The following DOP1A variants were observed in gnomAD, a reference collection of about 807,000 sequenced individuals.
DOP1A encodes protein DOP1A.
DOP1A carries 90 observed loss-of-function variants against 267.6 expected under a neutral mutation model. The ratio of observed to expected loss-of-function variants is 0.34; its 90% confidence interval spans 0.28 to 0.40. DOP1A has a LOEUF of 0.40. Among genes scored for constraint, DOP1A ranks in the 10% least tolerant of loss-of-function variants. DOP1A has a pLI of 1.00. For missense variants in DOP1A, 2,437 were observed against 2,900.4 expected, an observed-to-expected ratio of 0.84 and a Z score of 3.67; for synonymous variants, 932 against 999.1, an observed-to-expected ratio of 0.93 and a Z score of 1.27.
At chr6:83,141,088 CAATT>C (rs987164600) in intron 23 of DOP1A, among the ~76,000 whole-genome samples, 16 of 152,134 alleles carry the variant, frequency 1.1e-4, no homozygotes, top group East Asian at 5.8e-4. Flanking sequence ...AGATCCTAAA[CAATT>C]AATTAGGGAA....
chr6:83,158,124 G>A (rs577384051), intron 35 of DOP1A, among the ~76,000 whole-genome samples: 4 of 151,776 alleles, frequency 2.6e-5, no homozygotes, highest in South Asian at 2.1e-4. Context: ...TCAGCCTCCC[G>A]AGTAGCTGGG....
chr6:83,162,697 T>A, intron 37 of DOP1A, 93 bp from the exon 38 acceptor site: 1 of 1,368,388 alleles, frequency 7.3e-7, no homozygotes. Flanking sequence ...TTATAAGCAG[T>A]GGGGTCATGA....
chr6:83,159,615 A>C, intron 36 of DOP1A, 181 bp from the exon 37 acceptor site: 1 of 707,252 alleles, frequency 1.4e-6, no homozygotes, highest in Admixed American at 2.9e-5. Context: ...GCATTCTCAA[A>C]GAAGAAAAGT....
intron 1 of DOP1A, among the ~76,000 whole-genome samples, chr6:83,096,478 C>G (rs1188341935): frequency 6.7e-6 from 1 of 149,780 alleles, no homozygotes; most frequent in Non-Finnish European, 1.5e-5. Context: ...TAGATGCCCA[C>G]TTATTACTTA....
intron 34 of DOP1A, among the ~76,000 whole-genome samples, chr6:83,156,499 A>C (rs1782824834): frequency 6.6e-6 from 1 of 152,188 alleles, no homozygotes; most frequent in African/African-American, 2.4e-5. Flanking sequence ...GAGATCTGTA[A>C]TTTGGGGACT....
chr6:83,170,222 T>G (rs1044984954), downstream of DOP1A: 1 of 1,269,376 alleles, frequency 7.9e-7, no homozygotes, highest in Non-Finnish European at 1.1e-6. Flanking sequence ...ATCATCATAG[T>G]GAGATTCTAA....
intron 2 of DOP1A, 49 bp from the exon 3 acceptor site, chr6:83,096,876 C>G (rs981475585): frequency 7.4e-7 from 1 of 1,350,586 alleles, no homozygotes; most frequent in Non-Finnish European, 1.0e-6. Context: ...TCATATGAAC[C>G]CGTTTTAATA....
downstream of DOP1A, chr6:83,169,735 G>C (rs888323149): frequency 2.2e-6 from 1 of 458,496 alleles, no homozygotes; most frequent in African/African-American, 2.0e-5. Context: ...GTCTCCTCCT[G>C]ATTCCCTATT....
At chr6:83,108,780 C>T in intron 4 of DOP1A, 130 bp from the exon 5 acceptor site, 1 of 820,754 alleles carries the variant, frequency 1.2e-6, no homozygotes, top group Admixed American at 2.9e-5. Flanking sequence ...CATTCATATA[C>T]AGGTATCATT....
At chr6:83,077,036 A>G (rs1291185130) in intron 1 of DOP1A, among the ~76,000 whole-genome samples, 6 of 152,244 alleles carry the variant, frequency 3.9e-5, no homozygotes, top group Admixed American at 3.9e-4. Flanking sequence ...CCCATACAAT[A>G]TGGTTCCCCT....
rs1362321886 is a variant in DOP1A, at chr6:83,124,777, T to TTTC, written c.1415_1417dup (p.Phe472dup). Reference sequence around the variant, plus strand: ...ACTCATCTGAATTACAGCTGACCAATTTCTGCTTACTGGTGGATTTTTTGT... The same window carrying TTTC: ...ACTCATCTGAATTACAGCTGACCAATTTCTTCTGCTTACTGGTGGATTTTTTGT... On this transcript the variant is annotated inframe_insertion, in exon 13 of 39. Transcript: ENST00000349129. 4 of 1,613,178 alleles carry TTTC rather than the reference T, an allele frequency of 2.5e-6. No individual in the cohort carries two copies. The highest frequency in any genetic ancestry group is 3.4e-6 in the Non-Finnish European group (4 of 1,179,572).
intron 9 of DOP1A, 141 bp downstream of exon 9, chr6:83,119,998 A>G (rs1776105797): frequency 1.7e-6 from 1 of 587,316 alleles, no homozygotes; most frequent in Non-Finnish European, 2.9e-6. Flanking sequence ...GAATTTTTAT[A>G]ACAAGAAAAT....
At chr6:83,093,996 T>C (rs549530083) in intron 1 of DOP1A, among the ~76,000 whole-genome samples, 1 of 152,270 alleles carries the variant, frequency 6.6e-6, no homozygotes, top group African/African-American at 2.4e-5. Context: ...ACAATCAATT[T>C]TAAAACATTT....
chr6:83,168,606 C>T (rs951679439), downstream of DOP1A: 4 of 997,430 alleles, frequency 4.0e-6, no homozygotes, highest in South Asian at 1.3e-4. Flanking sequence ...GTTTTTCTCC[C>T]ACATACCTTC....
At chr6:83,134,519 A>C (rs781432565) in intron 19 of DOP1A, 1 of 409,246 alleles carries the variant, frequency 2.4e-6, no homozygotes, top group Non-Finnish European at 4.3e-6. Context: ...CCTTCCTTGG[A>C]CAACTATTCA....
At chr6:83,159,261 A>G (rs1783617663) in intron 36 of DOP1A, among the ~76,000 whole-genome samples, 1 of 152,102 alleles carries the variant, frequency 6.6e-6, no homozygotes, top group South Asian at 2.1e-4. Context: ...ATATTTCTTG[A>G]ACATAATATA....
chr6:83,144,071 C>T (rs1780080149), intron 24 of DOP1A, among the ~76,000 whole-genome samples: 1 of 152,192 alleles, frequency 6.6e-6, no homozygotes, highest in African/African-American at 2.4e-5. Flanking sequence ...GCCAAACTGT[C>T]ACTCAAACAT....
chr6:83,129,967 ACTTTATTAAAGCT>A (rs1489692763), intron 16 of DOP1A, among the ~76,000 whole-genome samples, 143 bp from the exon 17 acceptor site: 3 of 152,220 alleles, frequency 2.0e-5, no homozygotes, highest in Admixed American at 2.0e-4. Context: ...TCTTGTTGCT[ACTTTATTAAAGCT>A]CTAGACTAGG....
At chr6:83,144,100 TCAACAA>T (rs766856846) in intron 24 of DOP1A, among the ~76,000 whole-genome samples, 2 of 152,098 alleles carry the variant, frequency 1.3e-5, no homozygotes, top group African/African-American at 2.4e-5. Context: ...ATGCAATGTC[TCAACAA>T]CAACAACAAC....
Sources: gnomAD v4.1 joint callset for allele counts (sites outside exome capture counted in the v4.1 genomes callset) on GRCh38, gnomAD v4.1.1 for gene constraint, MANE v1.5 for transcripts, NCBI Gene and HGNC (gene_info 2026-07-23, HGNC 2026-07-21) for gene names.